Variants in SNX29 observed in about 807,000 individuals in gnomAD.
SNX29 encodes the protein sorting nexin-29.
Under a neutral mutation model 102.1 loss-of-function variants are expected in SNX29, and 78 were observed. The observed-to-expected ratio is 0.76, with a 90% CI of 0.64 to 0.92. The LOEUF (loss-of-function observed/expected upper bound fraction) is 0.92. SNX29 is among the 40% of genes least tolerant of loss of function. The pLI, the probability that SNX29 is intolerant of heterozygous loss-of-function variation, is 0.00. For synonymous variants in SNX29, 580 were observed against 414.5 expected (o/e 1.40, Z -4.85); for missense variants, 1,280 against 1,061.7 (o/e 1.21, Z -2.86).
At chr16:12,298,993 CT>C (rs1437484412) in intron 15 of SNX29, among the ~76,000 whole-genome samples, 1 of 117,384 alleles carries the variant, frequency 8.5e-6, no homozygotes, top group South Asian at 2.9e-4. Context: ...ACCAATGAGT[CT>C]TTAAAAAAAA....
chr16:12,547,396 A>T (rs1423829826), intron 20 of SNX29, among the ~76,000 whole-genome samples: 2 of 152,180 alleles, frequency 1.3e-5, no homozygotes, highest in African/African-American at 4.8e-5. Flanking sequence ...TATGGGTGAT[A>T]GAACAGGTAG....
intron 3 of SNX29, among the ~76,000 whole-genome samples, chr16:12,004,803 T>C (rs2151030823): frequency 1.3e-5 from 2 of 152,344 alleles, no homozygotes; most frequent in South Asian, 4.1e-4. Flanking sequence ...TGCACCCTAT[T>C]ATCCATTCCT....
At chr16:12,498,559 T>G (rs1355606676) in intron 19 of SNX29, among the ~76,000 whole-genome samples, 1 of 152,210 alleles carries the variant, frequency 6.6e-6, no homozygotes, top group African/African-American at 2.4e-5. Flanking sequence ...ACCTACTATG[T>G]GCCAGCCACT....
At position 12,470,749 on chromosome 16, in the gene SNX29, T is replaced by C. The variant is rs572355345; in HGVS notation, c.2038-6970T>C. Among the ~76,000 whole-genome samples the C allele has an allele frequency of 4.6e-5, 7 of 152,396 alleles. No individual in the cohort carries two copies. In the South Asian group the frequency reaches 1.0e-3, roughly 23 times the overall value. ...AATTAGCCATGGTAATTACCTGCTT[T>C]AATTTCATGATTGCACATCCTATAA... is the stretch of plus-strand genomic sequence containing the variant. On this transcript the variant is annotated intron_variant, in intron 18 of 20. Transcript: ENST00000566228.
At position 12,388,904 on chromosome 16, in the gene SNX29, G is replaced by C. The variant is rs141460695; in HGVS notation, c.1900-9542G>C. ...GGTAACAGGAAAGGCAGGTGCCTTT[G>C]GTTGTTCTTACAGGCTGGTGTCACT... On this transcript the variant is annotated intron_variant, in intron 16 of 20. Coordinates refer to ENST00000566228, the MANE Select transcript of SNX29 (RefSeq NM_032167.5). Among the ~76,000 whole-genome samples the C allele has an allele frequency of 3.3e-5, 5 of 152,302 alleles. No individual in the cohort carries two copies. In the East Asian group the frequency reaches 9.6e-4, roughly 29 times the overall value.
In SNX29 at chr16:12,521,115, G is replaced by C. The variant is rs146694345; in HGVS notation, c.2179-3587G>C. Among the ~76,000 whole-genome samples, 1,127 of 152,262 alleles carry C rather than the reference G, an allele frequency of 7.4e-3. 8 individuals carry two copies. Among genetic ancestry groups the C allele is most frequent in the African/African-American group, 0.026 (1,073 of 41,540 alleles). ...GGACTGCTTGAACCTGGGAGGCGGA[G>C]GTTGCAGTGAGCTGAGATCGTGTCA... On this transcript the variant is annotated intron_variant, in intron 19 of 20. Coordinates refer to ENST00000566228, the MANE Select transcript of SNX29 (RefSeq NM_032167.5).
chr16:12,107,088 G>GA (rs752810803), intron 11 of SNX29, among the ~76,000 whole-genome samples: 8 of 152,218 alleles, frequency 5.3e-5, no homozygotes, highest in Non-Finnish European at 1.0e-4. Context: ...AGAGTGCTGG[G>GA]ATTCCAGGTG....
intron 2 of SNX29, among the ~76,000 whole-genome samples, chr16:12,000,067 T>C (rs887953040): frequency 1.3e-5 from 2 of 152,038 alleles, no homozygotes; most frequent in African/African-American, 4.8e-5. Flanking sequence ...ACGCCTGAGG[T>C]CCTCTGCTGC....
At chr16:12,295,115 C>G (rs963157977) in intron 15 of SNX29, among the ~76,000 whole-genome samples, 2 of 152,188 alleles carry the variant, frequency 1.3e-5, no homozygotes, top group Non-Finnish European at 2.9e-5. Flanking sequence ...AATTATCCCC[C>G]CACTGGTTCT....
At chr16:12,213,489 ATAAAAT>A (rs56325740) in intron 14 of SNX29, among the ~76,000 whole-genome samples, 61,325 of 151,632 alleles carry the variant, frequency 0.4, 14,367 homozygotes, top group Non-Finnish European at 0.54. Flanking sequence ...AAGGAAAAAA[ATAAAAT>A]TAAAAACAAC....
At chr16:12,511,822 C>G (rs1162997141) in intron 19 of SNX29, among the ~76,000 whole-genome samples, 1 of 152,018 alleles carries the variant, frequency 6.6e-6, no homozygotes, top group Non-Finnish European at 1.5e-5. Context: ...GGGCTGAGCT[C>G]AAAACCTCGG....
intron 14 of SNX29, among the ~76,000 whole-genome samples, chr16:12,223,620 C>T (rs535822960): frequency 1.4e-4 from 21 of 152,272 alleles, no homozygotes; most frequent in East Asian, 7.7e-4. Context: ...GCCAGGATGG[C>T]GCCATTGCAC....
At chr16:12,381,321 C>T (rs1208925673) in intron 16 of SNX29, among the ~76,000 whole-genome samples, 1 of 109,222 alleles carries the variant, frequency 9.2e-6, no homozygotes, top group African/African-American at 3.8e-5. Flanking sequence ...ACCCACCCAC[C>T]CATCGTTCAT....
chr16:12,002,814 T>C (rs1282405978), intron 2 of SNX29, among the ~76,000 whole-genome samples, 177 bp from the exon 3 acceptor site: 1 of 152,126 alleles, frequency 6.6e-6, no homozygotes, highest in Non-Finnish European at 1.5e-5. Context: ...AAGGCTGGGG[T>C]GCGCACCTTC....
At chr16:12,263,654 T>C (rs917258946) in intron 14 of SNX29, among the ~76,000 whole-genome samples, 3 of 152,238 alleles carry the variant, frequency 2.0e-5, no homozygotes, top group Non-Finnish European at 4.4e-5. Context: ...GAAAATAAAC[T>C]TTTTAAAGAA....
rs150899129 is a variant in SNX29 at position 11,981,037 on chromosome 16, G to A, written c.7+4224G>A. On this transcript the variant is annotated intron_variant, in intron 1 of 20. Coordinates refer to ENST00000566228, the MANE Select transcript of SNX29 (RefSeq NM_032167.5). ...GTGCTGGAGTGCAGTGAGAAATCTCGTCTCACTGCAACCTCTGCCTCCCAG... is the reference window on the plus strand; with the variant it reads ...GTGCTGGAGTGCAGTGAGAAATCTCATCTCACTGCAACCTCTGCCTCCCAG... Among the ~76,000 whole-genome samples, 127 of 150,804 alleles carry A rather than the reference G, an allele frequency of 8.4e-4. 4 individuals are homozygous for A. The South Asian group carries it at 0.02, about 24-fold the overall frequency.
At chr16:12,181,965 C>T (rs796961809) in intron 13 of SNX29, among the ~76,000 whole-genome samples, 14 of 151,746 alleles carry the variant, frequency 9.2e-5, no homozygotes, top group African/African-American at 3.4e-4. Flanking sequence ...CTCAATGCAA[C>T]CTGTGCCTCT....
At chr16:12,329,364 G>A (rs2081227437) in intron 15 of SNX29, among the ~76,000 whole-genome samples, 1 of 151,706 alleles carries the variant, frequency 6.6e-6, no homozygotes, top group African/African-American at 2.4e-5. Flanking sequence ...CAAAGACCTG[G>A]GATGGATACT....
At position 12,105,384 on chromosome 16, in the gene SNX29, C is replaced by A. The variant is rs185886709; in HGVS notation, c.1403-21249C>A. Among the ~76,000 whole-genome samples, 333 of 152,198 alleles carry A rather than the reference C, an allele frequency of 2.2e-3. 1 individual carries two copies. Among genetic ancestry groups the A allele is most frequent in the Non-Finnish European group, 3.6e-3 (247 of 68,004 alleles). On this transcript the variant is annotated intron_variant, in intron 11 of 20. Coordinates refer to ENST00000566228, the MANE Select transcript of SNX29 (RefSeq NM_032167.5). ...GGATTACAGGCACACACCACCACAC[C>A]TAGCTAGTTTTTTGTTTTTTTCTTT...
Sources: gnomAD v4.1 joint callset for allele counts (sites outside exome capture counted in the v4.1 genomes callset) on GRCh38, gnomAD v4.1.1 for gene constraint, MANE v1.5 for transcripts, NCBI Gene and HGNC (gene_info 2026-07-23, HGNC 2026-07-21) for gene names.